The following TMEM266 variants were observed in gnomAD, a reference collection of about 807,000 sequenced individuals.
TMEM266 encodes the protein Hv1 related protein 1.
Under a neutral mutation model 50.5 loss-of-function variants are expected in TMEM266, and 33 were observed. The observed-to-expected ratio is 0.65, with a 90% CI of 0.50 to 0.87. The LOEUF (loss-of-function observed/expected upper bound fraction) is 0.87. Among genes scored for constraint, TMEM266 ranks in the 40% least tolerant of loss-of-function variants. TMEM266 has a pLI of 0.00. For missense variants in TMEM266, 655 were observed against 695.1 expected (o/e 0.94, Z 0.65); for synonymous variants, 310 against 292.3 (o/e 1.06, Z -0.62).
chr15:76,126,605 C>T (rs1199581656), intron 1 of TMEM266, among the ~76,000 whole-genome samples: 1 of 151,490 alleles, frequency 6.6e-6, no homozygotes, highest in Non-Finnish European at 1.5e-5. Context: ...GATCTCGGCT[C>T]ACTGCATCCT....
At chr15:76,072,438 CAAAAAAAAAAAAA>C (rs766766619) in intron 1 of TMEM266, among the ~76,000 whole-genome samples, 1,145 of 54,560 alleles carry the variant, frequency 0.021, 19 homozygotes, top group Non-Finnish European at 0.031. Flanking sequence ...AAAACTCTGT[CAAAAAAAAAAAAA>C]AAAAAAAAAG....
intron 9 of TMEM266, among the ~76,000 whole-genome samples, chr15:76,201,209 C>T (rs2038741374): frequency 6.6e-6 from 1 of 152,142 alleles, no homozygotes; most frequent in Non-Finnish European, 1.5e-5. Context: ...CCCAATCACA[C>T]CTGACCAAGT....
chr15:76,117,803 T>G (rs2037274003), intron 1 of TMEM266, among the ~76,000 whole-genome samples: 2 of 152,010 alleles, frequency 1.3e-5, no homozygotes, highest in Admixed American at 1.3e-4. Flanking sequence ...GTTTGTAAAA[T>G]TAAAGAGAAC....
intron 1 of TMEM266, among the ~76,000 whole-genome samples, chr15:76,123,226 A>AT (rs1348048002): frequency 2.0e-5 from 3 of 152,202 alleles, no homozygotes; most frequent in East Asian, 1.9e-4. Flanking sequence ...GATTTTCTTC[A>AT]TTTTAGCTCC....
chr15:76,202,195 T>G lies in TMEM266; in HGVS notation c.959-7T>G. 1 of 1,612,952 alleles carries G rather than the reference T, an allele frequency of 6.2e-7. No homozygotes were observed. Among genetic ancestry groups the G allele is most frequent in the Non-Finnish European group, 8.5e-7 (1 of 1,179,098 alleles). On this transcript the variant is annotated splice_polypyrimidine_tract_variant and splice_region_variant and intron_variant, in intron 9 of 10. Transcript: ENST00000388942. ...GCACTCACCCTTCTCTGTCCCCACCTCTGTAGAAGCCACGATGAAGGACGA... is the reference window on the plus strand; with the variant it reads ...GCACTCACCCTTCTCTGTCCCCACCGCTGTAGAAGCCACGATGAAGGACGA...
intron 1 of TMEM266, among the ~76,000 whole-genome samples, chr15:76,088,273 A>G (rs1026512920): frequency 6.6e-6 from 1 of 152,180 alleles, no homozygotes; most frequent in Admixed American, 6.5e-5. Flanking sequence ...TGGCAATAAG[A>G]CAGTGTGATG....
intron 1 of TMEM266, 77 bp downstream of exon 1, chr15:76,060,093 T>C (rs951728097): frequency 2.8e-5 from 2 of 70,806 alleles, no homozygotes; most frequent in Admixed American, 1.4e-4. Context: ...GGGCGGGGGG[T>C]GGGGGGACCG....
chr15:76,152,508 C>G (rs2037859753), intron 3 of TMEM266, among the ~76,000 whole-genome samples: 1 of 152,162 alleles, frequency 6.6e-6, no homozygotes, highest in Admixed American at 6.5e-5. Flanking sequence ...AGCTATACCC[C>G]CTGCTGAAGG....
intron 2 of TMEM266, among the ~76,000 whole-genome samples, chr15:76,137,347 GAGTCC>G (rs2037606176): frequency 1.3e-5 from 2 of 152,192 alleles, no homozygotes; most frequent in South Asian, 4.1e-4. Context: ...CTCCCATACA[GAGTCC>G]AGTGACCCAG....
In TMEM266 at chr15:76,156,667, T is replaced by C. The variant is rs1596140403; in HGVS notation, c.291T>C (p.Ser97=). Residue 97 remains serine, a synonymous_variant, in exon 4 of 11, where the codon AGT becomes AGC. Coordinates refer to ENST00000388942, the MANE Select transcript of TMEM266 (RefSeq NM_152335.3). ...CCGTGTGGCAGGTATTTTTGCTCAG[T>C]GCAAGTCTCAACAGTTTCCTGGTAG... The C allele has an allele frequency of 1.2e-6, 2 of 1,614,220 alleles. No homozygotes were observed. The highest frequency in any genetic ancestry group is 2.7e-5 in the African/African-American group (2 of 75,062).
chr15:76,154,404 T>C (rs2037891166), intron 3 of TMEM266, among the ~76,000 whole-genome samples: 6 of 152,116 alleles, frequency 3.9e-5, no homozygotes, highest in Admixed American at 3.9e-4. Context: ...CAGAAAGATG[T>C]GGTTCTGCAA....
At position 76,064,858 on chromosome 15, in the gene TMEM266, T is replaced by C. The variant is rs144620247; in HGVS notation, c.-97+4842T>C. The stretch of plus-strand genomic sequence containing the variant: ...TAATGCATGCAATGCTTCAGCTTCT[T>C]TCCCTTGGCTCAAAACAGGTCTGAA... On this transcript the variant is annotated intron_variant, in intron 1 of 10. Coordinates refer to ENST00000388942, the MANE Select transcript of TMEM266 (RefSeq NM_152335.3). Among the ~76,000 whole-genome samples the C allele has an allele frequency of 5.8e-3, 878 of 152,340 alleles. 12 individuals carry two copies. The highest frequency in any genetic ancestry group is 0.02 in the African/African-American group (834 of 41,580).
At chr15:76,092,265 C>T (rs916455937) in intron 1 of TMEM266, among the ~76,000 whole-genome samples, 2 of 152,018 alleles carry the variant, frequency 1.3e-5, no homozygotes, top group Non-Finnish European at 2.9e-5. Context: ...GTTTTAGATT[C>T]AGTTTAAGAG....
intron 1 of TMEM266, among the ~76,000 whole-genome samples, chr15:76,126,374 C>CATATATATATATATATATATATATATAT (rs61446223): frequency 1.1e-4 from 15 of 137,806 alleles, no homozygotes; most frequent in African/African-American, 4.0e-4. Flanking sequence ...CACCCACAGA[C>CATATATATATATATATATATATATATAT]ATATATATAT....
intron 1 of TMEM266, among the ~76,000 whole-genome samples, chr15:76,061,496 G>A (rs1367703697): frequency 6.6e-6 from 1 of 152,164 alleles, no homozygotes; most frequent in South Asian, 2.1e-4. Context: ...CTCCAGGTGC[G>A]GCTGCTCCGT....
intron 1 of TMEM266, among the ~76,000 whole-genome samples, chr15:76,125,698 A>G (rs1479609382): frequency 6.6e-6 from 1 of 151,914 alleles, no homozygotes; most frequent in South Asian, 2.1e-4. Context: ...AAATACAAAA[A>G]TTAGCCAGGC....
chr15:76,147,897 C>G (rs1011947281), intron 3 of TMEM266, among the ~76,000 whole-genome samples: 1 of 152,162 alleles, frequency 6.6e-6, no homozygotes, highest in Non-Finnish European at 1.5e-5. Context: ...TGGTGGTGCG[C>G]GCCAGTAGTC....
intron 1 of TMEM266, among the ~76,000 whole-genome samples, chr15:76,108,379 G>A (rs1273498557): frequency 6.6e-6 from 1 of 152,254 alleles, no homozygotes; most frequent in African/African-American, 2.4e-5. Flanking sequence ...GTCATAGATT[G>A]TAGAAGCTTA....
intron 1 of TMEM266, among the ~76,000 whole-genome samples, chr15:76,097,291 T>C (rs1020033662): frequency 3.3e-5 from 5 of 152,094 alleles, no homozygotes; most frequent in South Asian, 2.1e-4. Context: ...CTTCAGGAGC[T>C]CTAAGGCAGT....
Sources: gnomAD v4.1 joint callset for allele counts (sites outside exome capture counted in the v4.1 genomes callset) on GRCh38, gnomAD v4.1.1 for gene constraint, MANE v1.5 for transcripts, NCBI Gene and HGNC (gene_info 2026-07-23, HGNC 2026-07-21) for gene names.